The following KCNQ5 variants were observed in gnomAD, a reference collection of about 807,000 sequenced individuals.
KCNQ5 encodes potassium voltage-gated channel subfamily Q member 5.
KCNQ5 carries 30 observed loss-of-function variants against 98.2 expected under a neutral mutation model. The observed-to-expected ratio is 0.31, with a 90% CI of 0.23 to 0.41. KCNQ5 has a LOEUF of 0.41. Ranked by LOEUF, KCNQ5 falls within the 10% of genes least tolerant of loss-of-function variation. The pLI, the probability that KCNQ5 is intolerant of heterozygous loss-of-function variation, is 1.00. For synonymous variants in KCNQ5, 458 were observed against 449.4 expected, an observed-to-expected ratio of 1.02 and a Z score of -0.24; for missense variants, 835 against 1,182.5, an observed-to-expected ratio of 0.71 and a Z score of 4.31.
intron 1 of KCNQ5, among the ~76,000 whole-genome samples, chr6:72,632,349 G>A (rs536886399): frequency 1.3e-5 from 2 of 151,798 alleles, no homozygotes; most frequent in African/African-American, 2.4e-5. Flanking sequence ...CACCGTGTTA[G>A]CCAGGATGGT....
intron 9 of KCNQ5, among the ~76,000 whole-genome samples, chr6:73,132,262 C>T (rs578166673): frequency 6.6e-6 from 1 of 152,278 alleles, no homozygotes; most frequent in Admixed American, 6.5e-5. Flanking sequence ...TTTACTCTCT[C>T]AGAGTAGCTG....
chr6:72,774,629 A>C (rs565352731), intron 1 of KCNQ5, among the ~76,000 whole-genome samples: 70 of 152,134 alleles, frequency 4.6e-4, no homozygotes, highest in South Asian at 4.2e-4. Flanking sequence ...ACACACACAC[A>C]CCCTACAGAT....
chr6:72,630,408 A>G (rs141617433), intron 1 of KCNQ5: 3 of 152,276 alleles, frequency 2.0e-5, no homozygotes, highest in Non-Finnish European at 2.9e-5. Context: ...GTTATAATCC[A>G]TCATTTCTCT....
intron 10 of KCNQ5, among the ~76,000 whole-genome samples, chr6:73,162,965 C>T (rs1777669600): frequency 6.6e-6 from 1 of 152,126 alleles, no homozygotes; most frequent in African/African-American, 2.4e-5. Context: ...TGAGATGTGC[C>T]CTGTCCATGG....
At chr6:73,089,145 A>G (rs983182515) in intron 5 of KCNQ5, among the ~76,000 whole-genome samples, 1 of 152,228 alleles carries the variant, frequency 6.6e-6, no homozygotes, top group Admixed American at 6.5e-5. Flanking sequence ...TATGCCAATC[A>G]CTGTGCAAGG....
chr6:73,093,386 T>C (rs1221060979), intron 5 of KCNQ5, among the ~76,000 whole-genome samples: 1 of 152,206 alleles, frequency 6.6e-6, no homozygotes, highest in Non-Finnish European at 1.5e-5. Flanking sequence ...TGTATTTTGT[T>C]TGTTTGTTTC....
chr6:73,185,493 C>CTTT (rs1199281428), intron 11 of KCNQ5, among the ~76,000 whole-genome samples: 2 of 152,128 alleles, frequency 1.3e-5, no homozygotes, highest in African/African-American at 2.4e-5. Flanking sequence ...AAAGAAGTGA[C>CTTT]TTTAAAACAG....
chr6:72,816,809 G>A (rs901681350), intron 1 of KCNQ5, among the ~76,000 whole-genome samples: 2 of 152,076 alleles, frequency 1.3e-5, no homozygotes, highest in Non-Finnish European at 2.9e-5. Flanking sequence ...CATTCCCATT[G>A]TCTTAGTAAT....
intron 1 of KCNQ5, among the ~76,000 whole-genome samples, chr6:72,974,795 A>G (rs951340142): frequency 6.6e-6 from 1 of 151,182 alleles, no homozygotes; most frequent in Non-Finnish European, 1.5e-5. Flanking sequence ...GCTGGAGTGC[A>G]GTGGCACCAT....
chr6:72,802,639 A>G (rs1774721548), intron 1 of KCNQ5, among the ~76,000 whole-genome samples: 1 of 152,096 alleles, frequency 6.6e-6, no homozygotes, highest in Non-Finnish European at 1.5e-5. Flanking sequence ...AATTCTGAAG[A>G]TGAGCTTTTT....
At chr6:72,710,378 G>A (rs917421311) in intron 1 of KCNQ5, among the ~76,000 whole-genome samples, 3 of 152,074 alleles carry the variant, frequency 2.0e-5, no homozygotes, top group Admixed American at 1.3e-4. Flanking sequence ...GCATAGAGTG[G>A]ATGACTGGAT....
At chr6:72,906,657 TA>T (rs889601431) in intron 1 of KCNQ5, among the ~76,000 whole-genome samples, 1 of 152,206 alleles carries the variant, frequency 6.6e-6, no homozygotes, top group Non-Finnish European at 1.5e-5. Context: ...ACCTGCAAAC[TA>T]GGCCTTTAGT....
At chr6:72,854,270 ATT>A (rs11321660) in intron 1 of KCNQ5, among the ~76,000 whole-genome samples, 11 of 151,986 alleles carry the variant, frequency 7.2e-5, no homozygotes, top group African/African-American at 1.4e-4. Context: ...ATATAAATAA[ATT>A]TTTTTTTAAA....
At chr6:72,875,684 A>G (rs1778378025) in intron 1 of KCNQ5, among the ~76,000 whole-genome samples, 1 of 152,126 alleles carries the variant, frequency 6.6e-6, no homozygotes, top group Admixed American at 6.6e-5. Context: ...ATCTATGTCC[A>G]TTTCACTATT....
chr6:72,877,180 C>T (rs1254504131), intron 1 of KCNQ5, among the ~76,000 whole-genome samples: 1 of 152,134 alleles, frequency 6.6e-6, no homozygotes, highest in African/African-American at 2.4e-5. Context: ...GCCCCGCATG[C>T]ATTAGGCATT....
intron 1 of KCNQ5, among the ~76,000 whole-genome samples, chr6:72,641,116 G>T (rs1363706863): frequency 6.6e-6 from 1 of 152,044 alleles, no homozygotes; most frequent in Non-Finnish European, 1.5e-5. Flanking sequence ...ATATTGACTT[G>T]TTCTTTAAAG....
chr6:72,854,639 T>A (rs1777441074), intron 1 of KCNQ5, among the ~76,000 whole-genome samples: 1 of 151,388 alleles, frequency 6.6e-6, no homozygotes, highest in African/African-American at 2.4e-5. Flanking sequence ...TTTCTATTCA[T>A]CTTTTTTATA....
intron 1 of KCNQ5, among the ~76,000 whole-genome samples, chr6:73,002,947 T>C (rs1291126381): frequency 1.3e-5 from 2 of 152,202 alleles, no homozygotes; most frequent in Non-Finnish European, 2.9e-5. Flanking sequence ...AGTCAGGGAC[T>C]AACTTCACCA....
rs532962750 is a variant in KCNQ5, at chr6:73,175,827, G to A, written c.1577+5973G>A. Reference sequence around the variant, plus strand: ...CAGCATATTACTACAGTGACAGGACGGTTTGGGCCAACCTATATCGGCACT... The same window carrying A: ...CAGCATATTACTACAGTGACAGGACAGTTTGGGCCAACCTATATCGGCACT... On this transcript the variant is annotated intron_variant, in intron 11 of 13. Transcript: ENST00000370398. 4.3e-3 allele frequency among the ~76,000 whole-genome samples: 655 copies of A among 151,790 alleles called. 4 individuals carry two copies. The highest frequency in any genetic ancestry group is 6.8e-3 in the Non-Finnish European group (460 of 67,838).
Sources: gnomAD v4.1 joint callset for allele counts (sites outside exome capture counted in the v4.1 genomes callset) on GRCh38, gnomAD v4.1.1 for gene constraint, MANE v1.5 for transcripts, NCBI Gene and HGNC (gene_info 2026-07-23, HGNC 2026-07-21) for gene names.